The following PLXNC1 variants were observed in gnomAD, a reference collection of about 807,000 sequenced individuals.
PLXNC1 encodes the protein plexin-C1.
In PLXNC1, 75 loss-of-function variants were observed where a neutral mutation model predicts 178.2. That is an observed-to-expected ratio of 0.42 (90% CI 0.35 to 0.51). The LOEUF (loss-of-function observed/expected upper bound fraction) is 0.51, where lower values mean the gene tolerates loss of function less well. PLXNC1 is among the 20% of genes least tolerant of loss of function. The probability of loss-of-function intolerance (pLI) is 0.02; values close to 1 mark genes in which losing one functional copy is unlikely to be tolerated. For synonymous variants in PLXNC1, 790 were observed against 779.9 expected (o/e 1.01, Z -0.22); for missense variants, 1,503 against 1,984.4 (o/e 0.76, Z 4.61).
At chr12:94,171,092 A>G (rs981867964) in intron 2 of PLXNC1, among the ~76,000 whole-genome samples, 1 of 152,202 alleles carries the variant, frequency 6.6e-6, no homozygotes, top group Admixed American at 6.5e-5. Flanking sequence ...GAGGTGAAGG[A>G]ACACTCGTCT....
intron 22 of PLXNC1, chr12:94,281,756 G>A (rs1966459732): frequency 6.5e-6 from 1 of 153,602 alleles, no homozygotes; most frequent in Non-Finnish European, 1.4e-5. Context: ...TGTTGGCACT[G>A]AGTTGACACT....
chr12:94,167,060 C>A (rs368768922), intron 1 of PLXNC1, among the ~76,000 whole-genome samples: 1 of 151,500 alleles, frequency 6.6e-6, no homozygotes, highest in Admixed American at 6.6e-5. Context: ...GAAAAAAAAA[C>A]TACAATTGTT....
chr12:94,203,716 TTG>T (rs1963210354), intron 4 of PLXNC1, among the ~76,000 whole-genome samples: 1 of 152,122 alleles, frequency 6.6e-6, no homozygotes, highest in South Asian at 2.1e-4. Flanking sequence ...CATGGGCTGG[TTG>T]TGAGGATTAC....
intron 1 of PLXNC1, among the ~76,000 whole-genome samples, chr12:94,165,396 C>A (rs780392762): frequency 7.2e-5 from 11 of 152,188 alleles, no homozygotes; most frequent in Non-Finnish European, 1.6e-4. Context: ...CAAAAGAATC[C>A]ATTTCCATTC....
chr12:94,276,521 G>A (rs1000490831), intron 21 of PLXNC1, among the ~76,000 whole-genome samples: 3 of 152,242 alleles, frequency 2.0e-5, no homozygotes, highest in African/African-American at 7.2e-5. Flanking sequence ...GCATAGCCGA[G>A]GGGTTTGTGG....
rs1356594796 is a variant in PLXNC1 at position 94,247,040 on chromosome 12, TA to T, written c.2389-862del. On this transcript the variant is annotated intron_variant, in intron 12 of 30. Coordinates refer to ENST00000258526, the MANE Select transcript of PLXNC1 (RefSeq NM_005761.3). ...TTCTGTACACCTAAACAGGACAATA[TA>T]TTTATGTTATGTATTTACTAACTTT... 1.0e-4 allele frequency among the ~76,000 whole-genome samples: 15 copies of T among 150,338 alleles called. No homozygotes were observed. The East Asian group carries it at 3.1e-3, about 31-fold the overall frequency.
chr12:94,235,710 A>G (rs11107470), intron 9 of PLXNC1, among the ~76,000 whole-genome samples: 32,608 of 152,100 alleles, frequency 0.21, 3,684 homozygotes, highest in African/African-American at 0.26. Flanking sequence ...GTGCAACAGC[A>G]GCCAGAGACA....
At chr12:94,198,128 A>T (rs1405171536) in intron 4 of PLXNC1, among the ~76,000 whole-genome samples, 1 of 152,160 alleles carries the variant, frequency 6.6e-6, no homozygotes, top group African/African-American at 2.4e-5. Context: ...AATCAACCCA[A>T]ATGCCCATCC....
At chr12:94,262,445 G>A (rs2136083334) in intron 20 of PLXNC1, 1 of 967,912 alleles carries the variant, frequency 1.0e-6, no homozygotes. Flanking sequence ...GGGCATTAGA[G>A]GGGTGAGATG....
Position 94,300,894 on chromosome 12 carries a change from TTCTC to T in PLXNC1, c.4239-12_4239-9del, listed in dbSNP as rs1281903985. The T allele has an allele frequency of 6.2e-7, 1 of 1,603,982 alleles. No individual in the cohort carries two copies. The highest frequency in any genetic ancestry group is 8.5e-7 in the Non-Finnish European group (1 of 1,172,826). On this transcript the variant is annotated splice_polypyrimidine_tract_variant and intron_variant, in intron 27 of 30. Coordinates refer to ENST00000258526, the MANE Select transcript of PLXNC1 (RefSeq NM_005761.3). ...AATGGCCCTATTTGAAAAGAGATTA[TTCTC>T]TCTTTGAACAGCCTTCCTCTTCGCT...
At chr12:94,286,846 CTCG>C (rs1330906888) in intron 23 of PLXNC1, among the ~76,000 whole-genome samples, 1 of 152,042 alleles carries the variant, frequency 6.6e-6, no homozygotes, top group Non-Finnish European at 1.5e-5. Flanking sequence ...TGTAGCTGGT[CTCG>C]TCTGAATGAT....
chr12:94,187,005 C>G (rs1044164662), intron 4 of PLXNC1, among the ~76,000 whole-genome samples: 7 of 152,230 alleles, frequency 4.6e-5, no homozygotes, highest in African/African-American at 1.7e-4. Context: ...ACGATGCTCA[C>G]GACCCATCTA....
intron 15 of PLXNC1, among the ~76,000 whole-genome samples, chr12:94,254,295 C>G (rs1331230868): frequency 6.6e-6 from 1 of 152,250 alleles, no homozygotes; most frequent in Non-Finnish European, 1.5e-5. Context: ...GCTCGCTCAT[C>G]ATGTCACCCC....
intron 28 of PLXNC1, 25 bp from the exon 29 acceptor site, chr12:94,303,731 G>GGT: frequency 3.6e-5 from 40 of 1,113,628 alleles, no homozygotes; most frequent in African/African-American, 4.0e-5. Context: ...GGTGATGGTT[G>GGT]CTTTTTTTTT....
intron 4 of PLXNC1, among the ~76,000 whole-genome samples, chr12:94,206,280 G>A (rs1963296269): frequency 6.6e-6 from 1 of 151,816 alleles, no homozygotes; most frequent in Non-Finnish European, 1.5e-5. Flanking sequence ...AAATCTGTTG[G>A]GGGTGAGGGA....
chr12:94,211,978 A>C (rs879616010), intron 5 of PLXNC1, among the ~76,000 whole-genome samples: 1 of 151,998 alleles, frequency 6.6e-6, no homozygotes, highest in Admixed American at 6.5e-5. Flanking sequence ...GATATGTAAT[A>C]AAAATAGAAA....
At chr12:94,217,983 A>C (rs1963692374) in intron 5 of PLXNC1, among the ~76,000 whole-genome samples, 1 of 152,218 alleles carries the variant, frequency 6.6e-6, no homozygotes, top group South Asian at 2.1e-4. Flanking sequence ...ACTAGAAGGA[A>C]ATGTGGAAAC....
rs908881997 is a variant in PLXNC1, at chr12:94,266,692, C to T, written c.3597+1467C>T. 5.9e-5 allele frequency among the ~76,000 whole-genome samples: 9 copies of T among 152,360 alleles called. No individual in the cohort carries two copies. The East Asian group carries it at 1.4e-3, about 23-fold the overall frequency. ...ATGTTGGGCAAGTTTCTAAACCTCT[C>T]TATGCCTCATTCTCCTCACATGTGA... On this transcript the variant is annotated intron_variant, in intron 21 of 30. Coordinates refer to ENST00000258526, the MANE Select transcript of PLXNC1 (RefSeq NM_005761.3).
chr12:94,171,346 G>C (rs753899552), intron 2 of PLXNC1, among the ~76,000 whole-genome samples: 17 of 152,146 alleles, frequency 1.1e-4, no homozygotes, highest in Non-Finnish European at 2.2e-4. Flanking sequence ...GAATAACAAA[G>C]GCAGCTTTTT....
Sources: allele counts gnomAD v4.1 joint callset (sites outside exome capture counted in the v4.1 genomes callset), GRCh38; gene constraint gnomAD v4.1.1; transcripts MANE v1.5; gene names NCBI Gene and HGNC (gene_info 2026-07-23, HGNC 2026-07-21).